The following LDB3 variants were observed in gnomAD, a reference collection of about 807,000 sequenced individuals.
LDB3 encodes LIM domain binding 3.
A neutral mutation model predicts 69.0 loss-of-function variants in LDB3; 49 were observed. The observed-to-expected ratio is 0.71, with a 90% confidence interval of 0.56 to 0.90. LDB3 has a LOEUF of 0.90. LDB3 is among the 40% of genes least tolerant of loss of function. LDB3 has a pLI of 0.00. For missense variants in LDB3, 928 were observed against 974.1 expected (o/e 0.95, Z 0.63); for synonymous variants, 387 against 396.2 (o/e 0.98, Z 0.28).
chr10:86,687,344 C>T (rs1282045124), intron 5 of LDB3: 12 of 1,442,192 alleles, frequency 8.3e-6, no homozygotes, highest in African/African-American at 1.4e-5. Flanking sequence ...TGGGCACCAT[C>T]GGGACCAGCT....
chr10:86,720,781 T>C (rs953383747), intron 12 of LDB3, among the ~76,000 whole-genome samples: 1 of 152,188 alleles, frequency 6.6e-6, no homozygotes, highest in Non-Finnish European at 1.5e-5. Context: ...CCCCTCATCA[T>C]AGCAACTCCC....
At position 86,710,256 on chromosome 10, in the gene LDB3, A is replaced by G. The variant is rs978835259; in HGVS notation, c.1231+206A>G. 4 of 985,290 alleles carry G rather than the reference A, an allele frequency of 4.1e-6. No individual in the cohort carries two copies. In the African/African-American group the frequency reaches 5.2e-5, roughly 13 times the overall value. The allele number at this position is 985,290 out of a possible 1,614,324, so 61.0% of individuals were successfully genotyped here. A position where few individuals can be genotyped will look rare whatever the true frequency, so the allele number is the denominator to read the frequency against. On this transcript the variant is annotated intron_variant, in intron 9 of 13. Coordinates refer to ENST00000361373, the MANE Select transcript of LDB3 (RefSeq NM_007078.3). ...TCTGGGGGAGACAGGTGAGCAAGAA[A>G]GCGGTGGATGATTCTAAGGGAGAGC...
At position 86,703,364 on chromosome 10, in the gene LDB3, C is replaced by T. The variant is rs117877659; in HGVS notation, c.897-3167C>T. Among the ~76,000 whole-genome samples the T allele has an allele frequency of 6.7e-4, 102 of 152,362 alleles. 1 individual carries two copies. The East Asian group carries it at 0.016, about 24-fold the overall frequency. Reference sequence around the variant, plus strand: ...TACTTCTCTGAGGCAGTCACATCACCGGCATGGCTTCCAGAAGCGAGGTTC... The same window carrying T: ...TACTTCTCTGAGGCAGTCACATCACTGGCATGGCTTCCAGAAGCGAGGTTC... On this transcript the variant is annotated intron_variant, in intron 7 of 13. Transcript: ENST00000361373.
chr10:86,716,863 G>T, intron 10 of LDB3, 92 bp downstream of exon 10: 1 of 1,369,624 alleles, frequency 7.3e-7, no homozygotes, highest in South Asian at 1.2e-5. Flanking sequence ...GGGAGAGATG[G>T]GGGTAGGAGG....
In LDB3 at chr10:86,711,694, C is replaced by T. The variant is rs1231707677; in HGVS notation, c.1231+1644C>T. Among the ~76,000 whole-genome samples, 6 of 151,470 alleles carry T rather than the reference C, an allele frequency of 4.0e-5. No individual in the cohort carries two copies. In the East Asian group the frequency reaches 1.2e-3, roughly 30 times the overall value. On this transcript the variant is annotated intron_variant, in intron 9 of 13. Coordinates refer to ENST00000361373, the MANE Select transcript of LDB3 (RefSeq NM_007078.3). Reference sequence around the variant, plus strand: ...TCCTCCGGGCCGAGGGCGGCGTTCGCAGGCCGGATCTTATCGCTGGCGCCC... The same window carrying T: ...TCCTCCGGGCCGAGGGCGGCGTTCGTAGGCCGGATCTTATCGCTGGCGCCC...
intron 2 of LDB3, among the ~76,000 whole-genome samples, chr10:86,673,427 G>C (rs1396769305): frequency 6.6e-6 from 1 of 152,202 alleles, no homozygotes; most frequent in African/African-American, 2.4e-5. Flanking sequence ...CTTCTTGGAG[G>C]AGTCTGGAGG....
chr10:86,724,663 A>AG (rs1234078738), intron 12 of LDB3, among the ~76,000 whole-genome samples: 1 of 151,948 alleles, frequency 6.6e-6, no homozygotes, highest in Non-Finnish European at 1.5e-5. Flanking sequence ...ATAAATAAAT[A>AG]GGGAATATTA....
At chr10:86,728,125 G>C (rs6586031) in intron 13 of LDB3, among the ~76,000 whole-genome samples, 73,498 of 151,934 alleles carry the variant, frequency 0.48, 20,164 homozygotes, top group African/African-American at 0.74. Context: ...CAGCACAGGG[G>C]TCTCTGAACC....
chr10:86,717,742 T>G (rs983042644), intron 10 of LDB3, among the ~76,000 whole-genome samples: 4 of 152,248 alleles, frequency 2.6e-5, no homozygotes, highest in African/African-American at 7.2e-5. Context: ...CAGTCCCCTA[T>G]TGGTAGATGT....
intron 9 of LDB3, among the ~76,000 whole-genome samples, chr10:86,713,916 C>G (rs1846765596): frequency 6.6e-6 from 1 of 152,250 alleles, no homozygotes; most frequent in East Asian, 1.9e-4. Flanking sequence ...TTCCATTTCC[C>G]TTCCCTCCTC....
At chr10:86,716,148 C>G (rs1846859827) in intron 9 of LDB3, among the ~76,000 whole-genome samples, 179 bp from the exon 10 acceptor site, 1 of 152,162 alleles carries the variant, frequency 6.6e-6, no homozygotes, top group Non-Finnish European at 1.5e-5. Context: ...TGTGAACACC[C>G]TGCTGAGAAT....
rs761695754 is a variant in LDB3, at chr10:86,718,855, C to A, written c.1978+8C>A. 1.2e-6 allele frequency: 2 copies of A among 1,614,016 alleles called. No homozygotes were observed. Among genetic ancestry groups the A allele is most frequent in the Non-Finnish European group, 1.7e-6 (2 of 1,179,988 alleles). ...AGCCCTACTGCGAGAAAGGTAGGAA[C>A]ACTTCGATGGCATGTGGGGAGGCCC... is the stretch of plus-strand genomic sequence containing the variant. On this transcript the variant is annotated splice_region_variant and intron_variant, in intron 12 of 13. Coordinates refer to ENST00000361373, the MANE Select transcript of LDB3 (RefSeq NM_007078.3).
intron 12 of LDB3, among the ~76,000 whole-genome samples, chr10:86,719,479 G>A (rs1310968041): frequency 6.6e-6 from 1 of 152,076 alleles, no homozygotes; most frequent in African/African-American, 2.4e-5. Context: ...AGACCACAAG[G>A]TCTAGTCTGA....
At chr10:86,677,143 T>A (rs1844839342) in intron 2 of LDB3, among the ~76,000 whole-genome samples, 1 of 152,206 alleles carries the variant, frequency 6.6e-6, no homozygotes, top group Non-Finnish European at 1.5e-5. Context: ...GTCCGGAGCC[T>A]CCTCTTTCCT....
At chr10:86,698,915 G>A (rs1360350182) in intron 7 of LDB3, among the ~76,000 whole-genome samples, 1 of 152,120 alleles carries the variant, frequency 6.6e-6, no homozygotes, top group African/African-American at 2.4e-5. Context: ...AAGCAGCCCT[G>A]CCCAGCCCTC....
chr10:86,733,202 C>A lies in LDB3; in HGVS notation c.*226C>A. On this transcript the variant is annotated 3_prime_UTR_variant, in exon 14 of 14. Transcript: ENST00000361373. Reference sequence around the variant, plus strand: ...CTCAAAACCAAGCTAGTTATTAATCCAAGACTGGAATTGTACTTCAGACAT... The same window carrying A: ...CTCAAAACCAAGCTAGTTATTAATCAAAGACTGGAATTGTACTTCAGACAT... The A allele has an allele frequency of 1.9e-6, 1 of 512,872 alleles. No individual in the cohort carries two copies. Among genetic ancestry groups the A allele is most frequent in the East Asian group, 3.6e-5 (1 of 27,996 alleles). 31.8% of individuals were successfully genotyped at this position (512,872 alleles called of 1,614,324 possible).
At chr10:86,690,082 A>G (rs1331522482) in intron 5 of LDB3, among the ~76,000 whole-genome samples, 1 of 152,232 alleles carries the variant, frequency 6.6e-6, no homozygotes, top group African/African-American at 2.4e-5. Flanking sequence ...TGGAGCCAAG[A>G]AAGGCACAGG....
chr10:86,673,511 G>A (rs949657027), intron 2 of LDB3, among the ~76,000 whole-genome samples: 2 of 152,010 alleles, frequency 1.3e-5, no homozygotes, highest in African/African-American at 4.8e-5. Context: ...GAGCATTGAG[G>A]GGACTCCGGC....
At chr10:86,732,037 G>C (rs868356868) in intron 13 of LDB3, among the ~76,000 whole-genome samples, 1 of 144,888 alleles carries the variant, frequency 6.9e-6, no homozygotes, top group Non-Finnish European at 1.5e-5. Flanking sequence ...TAGAGACAGA[G>C]GCTCACTATG....
Sources: allele counts gnomAD v4.1 joint callset (sites outside exome capture counted in the v4.1 genomes callset), GRCh38; gene constraint gnomAD v4.1.1; transcripts MANE v1.5; gene names NCBI Gene and HGNC (gene_info 2026-07-23, HGNC 2026-07-21).